COMMD1: variants seen among roughly 807,000 people sequenced by gnomAD.
COMMD1 encodes the protein copper metabolism domain containing 1, also known as COMM domain-containing protein 1.
A neutral mutation model predicts 17.2 loss-of-function variants in COMMD1; 10 were observed. The ratio of observed to expected loss-of-function variants is 0.58; its 90% CI spans 0.36 to 0.99. COMMD1 has a LOEUF of 0.99. COMMD1 is among the 50% of genes least tolerant of loss of function. COMMD1 has a pLI of 0.01. For synonymous variants in COMMD1, 97 were observed against 91.6 expected (o/e 1.06, Z -0.34); for missense variants, 270 against 231.8 (o/e 1.17, Z -1.07).
At chr2:61,998,486 C>T (rs1174942422) in intron 1 of COMMD1, among the ~76,000 whole-genome samples, 3 of 152,212 alleles carry the variant, frequency 2.0e-5, no homozygotes, top group Middle Eastern at 3.4e-3. Flanking sequence ...TCTCGAACTC[C>T]GGACCTCAAG....
intron 2 of COMMD1, among the ~76,000 whole-genome samples, chr2:62,132,346 C>T (rs1398484092): frequency 1.3e-5 from 2 of 152,214 alleles, no homozygotes; most frequent in African/African-American, 2.4e-5. Context: ...TTAAACATGC[C>T]TTACTCAGTT....
chr2:61,893,093 C>T (rs2105154786), intron 1 of COMMD1, among the ~76,000 whole-genome samples: 1 of 152,076 alleles, frequency 6.6e-6, no homozygotes, highest in African/African-American at 2.4e-5. Context: ...TTTCGAACTC[C>T]CGACCACAGG....
At chr2:62,082,100 T>C (rs1040215011) in intron 2 of COMMD1, among the ~76,000 whole-genome samples, 2 of 152,232 alleles carry the variant, frequency 1.3e-5, no homozygotes, top group Admixed American at 6.6e-5. Context: ...CATTTATCAC[T>C]GGATGGAGGG....
At chr2:61,996,561 C>A (rs1331757145) in intron 1 of COMMD1, among the ~76,000 whole-genome samples, 1 of 152,108 alleles carries the variant, frequency 6.6e-6, no homozygotes, top group East Asian at 1.9e-4. Context: ...GAACCTCTTT[C>A]CAAATTGGAG....
intron 1 of COMMD1, among the ~76,000 whole-genome samples, chr2:61,954,760 C>A (rs929532409): frequency 6.6e-5 from 10 of 152,184 alleles, no homozygotes; most frequent in African/African-American, 2.2e-4. Flanking sequence ...TGGCTCATTG[C>A]AGCCTCCACC....
intron 1 of COMMD1, among the ~76,000 whole-genome samples, chr2:61,910,257 C>G (rs527497257): frequency 2.6e-5 from 4 of 151,736 alleles, no homozygotes; most frequent in African/African-American, 4.8e-5. Context: ...CACTGCCCCC[C>G]CCTTTTTTTT....
At chr2:61,891,969 C>A (rs1669442929) in intron 1 of COMMD1, among the ~76,000 whole-genome samples, 2 of 151,180 alleles carry the variant, frequency 1.3e-5, no homozygotes, top group Admixed American at 1.3e-4. Context: ...GTAGCTGGGA[C>A]TACAGGCGCC....
chr2:62,129,780 A>G (rs1672974822), intron 2 of COMMD1, among the ~76,000 whole-genome samples: 1 of 152,160 alleles, frequency 6.6e-6, no homozygotes, highest in African/African-American at 2.4e-5. Context: ...GGTTAAACAC[A>G]GAAGACAGTT....
At chr2:61,981,660 G>A (rs1157363204) in intron 1 of COMMD1, among the ~76,000 whole-genome samples, 3 of 152,164 alleles carry the variant, frequency 2.0e-5, no homozygotes, top group Admixed American at 6.5e-5. Flanking sequence ...GGCGGAAGGT[G>A]AAAGGCACAT....
intron 2 of COMMD1, among the ~76,000 whole-genome samples, chr2:62,091,259 C>G (rs1192367684): frequency 1.3e-5 from 2 of 152,202 alleles, no homozygotes; most frequent in Non-Finnish European, 2.9e-5. Context: ...TTCCCTCTTC[C>G]TGGAATAGCA....
chr2:61,937,003 G>A (rs890679186), intron 1 of COMMD1, among the ~76,000 whole-genome samples: 3 of 152,174 alleles, frequency 2.0e-5, no homozygotes, highest in African/African-American at 7.2e-5. Context: ...ACAACTCGAA[G>A]TGGGGGCTTC....
intron 1 of COMMD1, among the ~76,000 whole-genome samples, chr2:61,911,272 T>C (rs1421891709): frequency 1.3e-5 from 2 of 151,530 alleles, no homozygotes; most frequent in Non-Finnish European, 2.9e-5. Context: ...GTCAGGAGTT[T>C]GAGACCAGCC....
intron 2 of COMMD1, among the ~76,000 whole-genome samples, chr2:62,132,914 C>A (rs1673084778): frequency 6.6e-6 from 1 of 152,174 alleles, no homozygotes; most frequent in Non-Finnish European, 1.5e-5. Flanking sequence ...GCTTTCACAT[C>A]TGAGACCTCT....
At chr2:61,934,062 G>A (rs1670540660) in intron 1 of COMMD1, among the ~76,000 whole-genome samples, 1 of 152,148 alleles carries the variant, frequency 6.6e-6, no homozygotes, top group Non-Finnish European at 1.5e-5. Context: ...ACTACGCCCG[G>A]CCTTTCTTTT....
At chr2:61,954,728 C>T (rs1323071553) in intron 1 of COMMD1, among the ~76,000 whole-genome samples, 1 of 152,032 alleles carries the variant, frequency 6.6e-6, no homozygotes, top group East Asian at 1.9e-4. Flanking sequence ...CTTGCCCAGG[C>T]TAGAGTGCAA....
chr2:62,048,435 G>T (rs910568101), intron 2 of COMMD1, among the ~76,000 whole-genome samples: 9 of 151,886 alleles, frequency 5.9e-5, no homozygotes, highest in Admixed American at 3.9e-4. Flanking sequence ...TGATCCGCCC[G>T]CCTCGCCCTC....
chr2:62,083,973 AAT>A (rs1491468343), intron 2 of COMMD1, among the ~76,000 whole-genome samples: 1 of 152,204 alleles, frequency 6.6e-6, no homozygotes, highest in Non-Finnish European at 1.5e-5. Context: ...TGGCTACTGA[AAT>A]TCTGGCTTCT....
intron 1 of COMMD1, among the ~76,000 whole-genome samples, chr2:61,946,867 C>T (rs1021225805): frequency 3.3e-5 from 5 of 152,116 alleles, no homozygotes; most frequent in African/African-American, 1.2e-4. Context: ...TCTTAAACAA[C>T]TACAAAAACA....
At chr2:62,110,550 C>T (rs1672430190) in intron 2 of COMMD1, among the ~76,000 whole-genome samples, 1 of 152,172 alleles carries the variant, frequency 6.6e-6, no homozygotes, top group Non-Finnish European at 1.5e-5. Context: ...CCCGTTTCTC[C>T]TTGAGTTCTG....
Sources: allele counts gnomAD v4.1 joint callset (sites outside exome capture counted in the v4.1 genomes callset), GRCh38; gene constraint gnomAD v4.1.1; transcripts MANE v1.5; gene names NCBI Gene and HGNC (gene_info 2026-07-23, HGNC 2026-07-21).